The following MEAK7 variants were observed in gnomAD, a reference collection of about 807,000 sequenced individuals.
MEAK7 encodes MTOR associated protein MEAK7.
A neutral mutation model predicts 40.5 loss-of-function variants in MEAK7; 68 were observed. The ratio of observed to expected loss-of-function variants is 1.68; its 90% confidence interval spans 1.38 to 2.06. MEAK7 has a LOEUF of 2.06. Among genes scored for constraint, MEAK7 ranks in the 30% most tolerant of loss-of-function variants. The probability of loss-of-function intolerance (pLI) is 0.00; values close to 1 mark genes in which losing one functional copy is unlikely to be tolerated. For missense variants in MEAK7, 918 were observed against 580.5 expected (o/e 1.58, Z -5.98); for synonymous variants, 338 against 231.9 (o/e 1.46, Z -4.16).
At chr16:84,486,517 G>C in intron 5 of MEAK7, 114 bp downstream of exon 5, 1 of 1,469,046 alleles carries the variant, frequency 6.8e-7, no homozygotes. Context: ...TGCGTCTAGA[G>C]AAACACTTGG....
rs771396918 is a variant in MEAK7 at position 84,480,680 on chromosome 16, C to T, written c.1106G>A (p.Gly369Glu). The change falls in exon 7 of 8, where the codon GGG becomes GAG. Residue 369 changes from glycine to glutamate, a missense_variant. Coordinates refer to ENST00000343629, the MANE Select transcript of MEAK7 (RefSeq NM_020947.4). ...CCCAAAATCAACATCCACCCAAAGC[C>T]CAAAGTAATTGTGCTGCCCCCCCAT... ...LGMGGQHNYF[G>E]LWVDVDFGKG... 1.2e-6 allele frequency: 2 copies of T among 1,613,518 alleles called. No homozygotes were observed. Among genetic ancestry groups the T allele is most frequent in the African/African-American group, 2.7e-5 (2 of 74,878 alleles).
Position 84,497,330 on chromosome 16 carries a change from G to C in MEAK7, c.153+604C>G, listed in dbSNP as rs368709991. ...GGGGAAAAACATGGGCAAATGGGCA[G>C]TTTTAACTCCCTGCAAGATGAGCCT... On this transcript the variant is annotated intron_variant, in intron 2 of 7. Coordinates refer to ENST00000343629, the MANE Select transcript of MEAK7 (RefSeq NM_020947.4). 1.6e-4 allele frequency: 177 copies of C among 1,107,254 alleles called. 3 individuals are homozygous for C. The South Asian group carries it at 2.5e-3, about 15-fold the overall frequency. 68.6% of individuals were successfully genotyped at this position (1,107,254 alleles called of 1,614,324 possible). A position where few individuals can be genotyped will look rare whatever the true frequency, so the allele number is the denominator to read the frequency against.
intron 6 of MEAK7, 115 bp downstream of exon 6, chr16:84,482,477 G>A (rs532267989): frequency 7.1e-5 from 108 of 1,527,180 alleles, no homozygotes; most frequent in Non-Finnish European, 8.9e-5. Context: ...CATGGCGTGC[G>A]TGAGGAACTG....
chr16:84,479,950 T>C lies in MEAK7; in HGVS notation c.1334A>G (p.His445Arg). 6.2e-7 allele frequency: 1 copy of C among 1,610,376 alleles called. No homozygotes were observed. Among genetic ancestry groups the C allele is most frequent in the Non-Finnish European group, 8.5e-7 (1 of 1,177,348 alleles). Residue 445 changes from histidine to arginine, a missense_variant, in exon 8 of 8, where the codon CAC (histidine) becomes CGC (arginine). His to Arg is a conservative substitution (Grantham distance 29). Transcript: ENST00000343629. Reference sequence around the variant, plus strand: ...CGGGACTTCCCGGAGCCCTTCGCTGTGGCGCGAATGCCCACTGATCTCCAG... The same window carrying C: ...CGGGACTTCCCGGAGCCCTTCGCTGCGGCGCGAATGCCCACTGATCTCCAG... ...ALLEISGHSR[H>R]SEGLREVPDD...
At chr16:84,484,749 C>A (rs1038380317) in intron 5 of MEAK7, among the ~76,000 whole-genome samples, 1 of 152,156 alleles carries the variant, frequency 6.6e-6, no homozygotes, top group Admixed American at 6.5e-5. Flanking sequence ...CCAGGACAAG[C>A]GGACAGCACG....
Position 84,486,695 on chromosome 16 carries a change from G to T in MEAK7, c.894C>A (p.Asp298Glu), listed in dbSNP as rs1913090601. 6.2e-7 allele frequency: 1 copy of T among 1,614,016 alleles called. No homozygotes were observed. Among genetic ancestry groups the T allele is most frequent in the Admixed American group, 1.7e-5 (1 of 60,000 alleles). Residue 298 changes from aspartate (D) to glutamate (E), a missense_variant, in exon 5 of 8, where the codon GAC becomes GAA. Transcript: ENST00000343629. Reference protein sequence around the residue: ...HRGPCVAVLEDHDKHVFGGFA... With the variant: ...HRGPCVAVLEEHDKHVFGGFA... The stretch of plus-strand genomic sequence containing the variant: ...ACCCACCGAACACATGCTTGTCATG[G>T]TCCTCGAGGACAGCCACACAGGGTC...
chr16:84,486,968 G>A lies in MEAK7; in HGVS notation c.621C>T (p.Ala207=), dbSNP rs147563595. The change falls in exon 5 of 8, where the codon GCC becomes GCT. Residue 207 remains alanine (A), a synonymous_variant. Coordinates refer to ENST00000343629, the MANE Select transcript of MEAK7 (RefSeq NM_020947.4). The part of the protein sequence containing the change: ...EDWVFRVPHV[A]IFLSVVICKG... ...TGCAAATGACCACACTCAGGAATAT[G>A]GCCACATGGGGGACCCTGAACACCC... is the stretch of plus-strand genomic sequence containing the variant. 1,581 of 1,614,002 alleles carry A rather than the reference G, an allele frequency of 9.8e-4. 4 individuals carry two copies. Among genetic ancestry groups the A allele is most frequent in the South Asian group, 1.4e-3 (128 of 91,078 alleles).
At chr16:84,484,687 G>A (rs1204470463) in intron 5 of MEAK7, among the ~76,000 whole-genome samples, 3 of 152,106 alleles carry the variant, frequency 2.0e-5, no homozygotes, top group Non-Finnish European at 4.4e-5. Flanking sequence ...TTCATTGTTT[G>A]TCCCACAGCT....
chr16:84,504,649 C>G lies in MEAK7; in HGVS notation c.-74G>C, dbSNP rs928148271. The G allele has an allele frequency of 1.0e-6, 1 of 985,526 alleles. No individual in the cohort carries two copies. Among genetic ancestry groups the G allele is most frequent in the Admixed American group, 6.1e-5 (1 of 16,276 alleles). 61.0% of individuals were successfully genotyped at this position (985,526 alleles called of 1,614,324 possible). ...CCGGTCCGGTCCAGCAGCCCACGGG[C>G]TCCTCTCGAGAGCCGCCCCTTCCCT... On this transcript the variant is annotated 5_prime_UTR_variant, in exon 1 of 8. Transcript: ENST00000343629.
chr16:84,487,045 G>A lies in MEAK7; in HGVS notation c.544C>T (p.Leu182=), dbSNP rs142638484. 9.6e-5 allele frequency: 154 copies of A among 1,611,722 alleles called. No individual in the cohort carries two copies. In the Middle Eastern group the frequency reaches 1.5e-3, roughly 16 times the overall value. Residue 182 remains leucine (L), a synonymous_variant, in exon 5 of 8, where the codon CTG becomes TTG. Coordinates refer to ENST00000343629, the MANE Select transcript of MEAK7 (RefSeq NM_020947.4). ...TCATAGTCCAGCCACTGGGGCCCCA[G>A]AAGTCTCTTGCCATCTAGGGGAAGG... is the stretch of plus-strand genomic sequence containing the variant. The part of the protein sequence containing the change: ...DMKLQDGKRL[L]GPQWLDYDCD...
At chr16:84,497,786 G>T in intron 2 of MEAK7, 148 bp downstream of exon 2, 1 of 1,315,358 alleles carries the variant, frequency 7.6e-7, no homozygotes, top group Non-Finnish European at 1.1e-6. Context: ...GCCAAAACTA[G>T]GTCACATCTG....
intron 2 of MEAK7, chr16:84,497,546 A>C: frequency 7.7e-7 from 1 of 1,293,254 alleles, no homozygotes; most frequent in Non-Finnish European, 1.0e-6. Context: ...GTGGTTCAAG[A>C]GACACACGAG....
intron 5 of MEAK7, among the ~76,000 whole-genome samples, chr16:84,484,126 C>T (rs564871539): frequency 6.6e-6 from 1 of 152,184 alleles, no homozygotes; most frequent in Admixed American, 6.5e-5. Flanking sequence ...GGAGCAAGGT[C>T]GCAGGGCCAC....
chr16:84,501,105 G>GA (rs35447624), intron 1 of MEAK7, among the ~76,000 whole-genome samples: 37,918 of 102,504 alleles, frequency 0.37, 6,301 homozygotes, highest in Non-Finnish European at 0.47. Context: ...AAAAAAAAAA[G>GA]AAAAAAAAAA....
intron 4 of MEAK7, chr16:84,487,781 A>T (rs1371105106): frequency 6.6e-6 from 1 of 152,264 alleles, no homozygotes; most frequent in Non-Finnish European, 1.5e-5. Context: ...GCTGGCTTCA[A>T]ACCCGAGCTC....
chr16:84,489,315 C>T lies in MEAK7; in HGVS notation c.492G>A (p.Val164=). 6.2e-7 allele frequency: 1 copy of T among 1,614,196 alleles called. No homozygotes were observed. The highest frequency in any genetic ancestry group is 1.1e-5 in the South Asian group (1 of 91,084). ...TGTCAGAGAGCAGCTGAGCAGCCAG[C>T]ACCTGCACCCGGGGGTTGGGCCCTG... The part of the protein sequence containing the change: ...EAPGPNPRVQ[V]LAAQLLSDMK... Residue 164 remains valine (V), a synonymous_variant, in exon 4 of 8, where the codon GTG becomes GTA. Transcript: ENST00000343629.
intron 4 of MEAK7, chr16:84,487,941 CATTTACAGAGATTATA>C (rs1913240365): frequency 6.6e-6 from 1 of 152,204 alleles, no homozygotes; most frequent in Non-Finnish European, 1.5e-5. Flanking sequence ...ACAAAGGCCC[CATTTACAGAGATTATA>C]ATTCCCAACC....
chr16:84,494,793 G>A (rs764402954), intron 3 of MEAK7: 36 of 455,548 alleles, frequency 7.9e-5, no homozygotes, highest in Non-Finnish European at 1.4e-4. Flanking sequence ...CCCAAGCCCT[G>A]AGACTCATTT....
At chr16:84,491,376 T>G (rs1913584296) in intron 3 of MEAK7, among the ~76,000 whole-genome samples, 1 of 151,954 alleles carries the variant, frequency 6.6e-6, no homozygotes. Flanking sequence ...CCGTCTCTAC[T>G]AAAAATACAA....
Sources: allele counts gnomAD v4.1 joint callset (sites outside exome capture counted in the v4.1 genomes callset), GRCh38; gene constraint gnomAD v4.1.1; transcripts MANE v1.5; gene names NCBI Gene and HGNC (gene_info 2026-07-23, HGNC 2026-07-21).